The following ZNF567 variants were observed in gnomAD, a reference collection of about 807,000 sequenced individuals.
ZNF567 encodes zinc finger protein 567.
Under a neutral mutation model 53.9 loss-of-function variants are expected in ZNF567, and 36 were observed. The observed-to-expected ratio is 0.67, with a 90% CI of 0.51 to 0.88. The LOEUF (loss-of-function observed/expected upper bound fraction) is 0.88, where lower values mean the gene tolerates loss of function less well. ZNF567 is among the 40% of genes least tolerant of loss of function. ZNF567 has a pLI of 0.00. For synonymous variants in ZNF567, 224 were observed against 260.4 expected (o/e 0.86, Z 1.35); for missense variants, 619 against 764.7 (o/e 0.81, Z 2.25).
At chr19:36,726,557 T>C (rs1324171719), downstream of ZNF567, among the ~76,000 whole-genome samples, 1 of 152,096 alleles carries the variant, frequency 6.6e-6, no homozygotes, top group African/African-American at 2.4e-5. Context: ...TTAGTCACCT[T>C]TTTATACCTC....
chr19:36,700,024 GT>G (rs2145676198), intron 3 of ZNF567, among the ~76,000 whole-genome samples: 1 of 106,440 alleles, frequency 9.4e-6, no homozygotes, highest in Admixed American at 1.1e-4. Context: ...AATGCTTCCA[GT>G]TTTTGCCCAT....
intron 3 of ZNF567, among the ~76,000 whole-genome samples, chr19:36,707,484 ACTTTT>A (rs1182625598): frequency 7.3e-5 from 11 of 151,700 alleles, no homozygotes; most frequent in African/African-American, 2.7e-4. Context: ...CTTCTCTAGA[ACTTTT>A]CTTTGATCCT....
upstream of ZNF567, among the ~76,000 whole-genome samples, chr19:36,684,152 T>A (rs1015842366): frequency 6.6e-6 from 1 of 152,194 alleles, no homozygotes; most frequent in Non-Finnish European, 1.5e-5. Flanking sequence ...CATAATTTAG[T>A]GACATGAAAA....
chr19:36,718,980 A>G lies in ZNF567; in HGVS notation c.256A>G (p.Lys86Glu). The change falls in exon 6 of 6, where the codon AAA becomes GAA. Residue 86 changes from lysine (K) to glutamate (E), a missense_variant. Lys to Glu is a moderately conservative substitution (Grantham distance 56). Coordinates refer to ENST00000682579, the MANE Select transcript of ZNF567 (RefSeq NM_001322917.1). ...ENWKAEDFLV[K>E]FKEHQEKYSR... ...CTGGAAAGCTGAAGACTTTTTAGTG[A>G]AATTCAAGGAACACCAAGAGAAGTA... is the stretch of plus-strand genomic sequence containing the variant. The G allele has an allele frequency of 6.4e-7, 1 of 1,567,908 alleles. No individual in the cohort carries two copies. Among genetic ancestry groups the G allele is most frequent in the Non-Finnish European group, 8.6e-7 (1 of 1,164,568 alleles).
chr19:36,719,112 C>G lies in ZNF567; in HGVS notation c.388C>G (p.Leu130Val). The change falls in exon 6 of 6, where the codon CTA (leucine) becomes GTA (valine). Residue 130 changes from leucine to valine, a missense_variant. Coordinates refer to ENST00000682579, the MANE Select transcript of ZNF567 (RefSeq NM_001322917.1). ...LGKNPVNSKN[L>V]PPEYDTHGRI... Reference sequence around the variant, plus strand: ...CAAAAACCCTGTGAATTCAAAAAATCTACCTCCTGAATATGATACTCATGG... The same window carrying G: ...CAAAAACCCTGTGAATTCAAAAAATGTACCTCCTGAATATGATACTCATGG... 1.1e-5 allele frequency: 18 copies of G among 1,611,558 alleles called. No homozygotes were observed. The highest frequency in any genetic ancestry group is 1.5e-5 in the Non-Finnish European group (18 of 1,179,402).
intron 3 of ZNF567, among the ~76,000 whole-genome samples, chr19:36,705,261 A>G (rs1291852614): frequency 6.6e-6 from 1 of 151,972 alleles, no homozygotes; most frequent in Non-Finnish European, 1.5e-5. Context: ...TTCTTTTCCA[A>G]TTCTTACATA....
At chr19:36,680,202 A>T in the ZNF567 span, among the ~76,000 whole-genome samples, 1 of 152,212 alleles carries the variant, frequency 6.6e-6, no homozygotes, top group Non-Finnish European at 1.5e-5. Flanking sequence ...TAAAAATTTT[A>T]AAAAAGAAAT....
the ZNF567 span, among the ~76,000 whole-genome samples, chr19:36,677,155 C>CAAA: frequency 4.3e-4 from 12 of 28,150 alleles, no homozygotes; most frequent in East Asian, 2.4e-3. Context: ...AACTCCGTCT[C>CAAA]AAAAAAAAAA....
At chr19:36,694,950 C>A in intron 3 of ZNF567, 74 bp downstream of exon 3, 5 of 1,437,432 alleles carry the variant, frequency 3.5e-6, no homozygotes, top group Non-Finnish European at 4.6e-6. Context: ...GGGCATGTGT[C>A]GGTCTTGTCC....
chr19:36,724,753 C>T, downstream of ZNF567, among the ~76,000 whole-genome samples: 1 of 150,110 alleles, frequency 6.7e-6, no homozygotes, highest in East Asian at 2.0e-4. Context: ...GAGGCTGAGG[C>T]AGGGGAATAG....
chr19:36,712,308 A>G (rs1000097529), intron 3 of ZNF567, 78 bp from the exon 4 acceptor site: 1 of 1,479,880 alleles, frequency 6.8e-7, no homozygotes, highest in Admixed American at 2.2e-5. Context: ...TCAGCCTCCC[A>G]AAGTGCTGGG....
upstream of ZNF567, chr19:36,685,804 T>C (rs146804846): frequency 6.6e-6 from 1 of 152,328 alleles, no homozygotes; most frequent in African/African-American, 2.4e-5. Context: ...TAGCTTATTA[T>C]TTGGGGGGCT....
chr19:36,718,064 G>A (rs532615862), intron 5 of ZNF567, among the ~76,000 whole-genome samples: 22 of 152,280 alleles, frequency 1.4e-4, no homozygotes, highest in African/African-American at 3.9e-4. Context: ...ACATAATTAT[G>A]TAGAGGATTA....
chr19:36,689,734 C>T lies in ZNF567; in HGVS notation c.-67+237C>T, dbSNP rs550535019. On this transcript the variant is annotated intron_variant, in intron 2 of 5. Coordinates refer to ENST00000682579, the MANE Select transcript of ZNF567 (RefSeq NM_001322917.1). Reference sequence around the variant, plus strand: ...ACCTAGTGCTAAGGTGAGAATTAGCCACCTCAGTCACTTTGCCCTCCCAAA... The same window carrying T: ...ACCTAGTGCTAAGGTGAGAATTAGCTACCTCAGTCACTTTGCCCTCCCAAA... 2.0e-5 allele frequency among the ~76,000 whole-genome samples: 3 copies of T among 152,246 alleles called. No individual in the cohort carries two copies. The East Asian group carries it at 5.8e-4, about 29-fold the overall frequency.
chr19:36,711,363 G>A (rs2039778901), intron 3 of ZNF567: 1 of 152,184 alleles, frequency 6.6e-6, no homozygotes, highest in Non-Finnish European at 1.5e-5. Flanking sequence ...CACCTTTGAG[G>A]AAGTAAGTGG....
downstream of ZNF567, among the ~76,000 whole-genome samples, chr19:36,721,744 CTTTT>C (rs5827963): frequency 4.9e-5 from 5 of 101,484 alleles, no homozygotes; most frequent in African/African-American, 1.6e-4. Context: ...TTTTTTTTTT[CTTTT>C]TTTTTTTTTT....
At chr19:36,678,939 C>A in the ZNF567 span, among the ~76,000 whole-genome samples, 1 of 151,740 alleles carries the variant, frequency 6.6e-6, no homozygotes, top group Non-Finnish European at 1.5e-5. Context: ...AAATGGCCAG[C>A]ACATATACGA....
intron 2 of ZNF567, among the ~76,000 whole-genome samples, chr19:36,689,801 A>G (rs957101411): frequency 2.6e-5 from 4 of 151,908 alleles, no homozygotes; most frequent in African/African-American, 7.3e-5. Flanking sequence ...TTCTCTCACC[A>G]CTTTGGTTCC....
the ZNF567 span, chr19:36,666,965 C>G: frequency 6.6e-6 from 1 of 152,486 alleles, no homozygotes. Context: ...GTGACGCCAA[C>G]CTGTTAATGT....
Sources: allele counts gnomAD v4.1 joint callset (sites outside exome capture counted in the v4.1 genomes callset), GRCh38; gene constraint gnomAD v4.1.1; transcripts MANE v1.5; gene names NCBI Gene and HGNC (gene_info 2026-07-23, HGNC 2026-07-21).